WDR27: variants seen among roughly 807,000 people sequenced by gnomAD.
WDR27 encodes WD repeat domain 27, also known as WD repeat-containing protein 27.
WDR27 carries 100 observed loss-of-function variants against 114.4 expected under a neutral mutation model. The ratio of observed to expected loss-of-function variants is 0.87; its 90% confidence interval spans 0.74 to 1.03. The LOEUF (loss-of-function observed/expected upper bound fraction) is 1.03, where lower values mean the gene tolerates loss of function less well. Among genes scored for constraint, WDR27 ranks in the 50% least tolerant of loss-of-function variants. The pLI, the probability that WDR27 is intolerant of heterozygous loss-of-function variation, is 0.00. For synonymous variants in WDR27, 449 were observed against 423.1 expected (o/e 1.06, Z -0.75); for missense variants, 1,129 against 1,092.9 (o/e 1.03, Z -0.47).
intron 22 of WDR27, among the ~76,000 whole-genome samples, chr6:169,605,097 G>A (rs1296452348): frequency 8.1e-5 from 7 of 86,324 alleles, no homozygotes; most frequent in Non-Finnish European, 1.2e-4. Flanking sequence ...GTCCTAGCCA[G>A]AGCAATTAGG....
intron 14 of WDR27, among the ~76,000 whole-genome samples, chr6:169,651,488 A>G (rs1489562223): frequency 6.6e-6 from 1 of 151,954 alleles, no homozygotes; most frequent in African/African-American, 2.4e-5. Flanking sequence ...CTTGCCTTTG[A>G]GCAGTCTTGC....
chr6:169,694,488 C>T (rs1405637005), intron 1 of WDR27, among the ~76,000 whole-genome samples: 2 of 152,146 alleles, frequency 1.3e-5, no homozygotes, highest in East Asian at 3.8e-4. Context: ...TTCTTCAAGG[C>T]TGTCCATCAT....
At chr6:169,499,078 C>G (rs1274774836) in intron 25 of WDR27, among the ~76,000 whole-genome samples, 1 of 152,258 alleles carries the variant, frequency 6.6e-6, no homozygotes, top group East Asian at 1.9e-4. Context: ...AGCTACAGCA[C>G]TGACATGGAA....
intron 19 of WDR27, among the ~76,000 whole-genome samples, chr6:169,635,564 ATTGAGATCGGG>A (rs1352471905): frequency 6.6e-6 from 1 of 152,180 alleles, no homozygotes; most frequent in Non-Finnish European, 1.5e-5. Context: ...GGATGCTCTC[ATTGAGATCGGG>A]GTGAGATCGG....
chr6:169,440,390 T>C, the WDR27 span, among the ~76,000 whole-genome samples: 1 of 152,220 alleles, frequency 6.6e-6, no homozygotes, highest in Non-Finnish European at 1.5e-5. Flanking sequence ...ATTTAGTTTT[T>C]AGTTTTAGTT....
intron 24 of WDR27, among the ~76,000 whole-genome samples, chr6:169,578,566 C>T (rs957987744): frequency 1.3e-5 from 2 of 152,122 alleles, no homozygotes; most frequent in Non-Finnish European, 2.9e-5. Context: ...CCCAGGGGGG[C>T]GAAAGTGCAT....
At chr6:169,691,857 G>A (rs149185775) in intron 1 of WDR27, among the ~76,000 whole-genome samples, 1 of 152,312 alleles carries the variant, frequency 6.6e-6, no homozygotes, top group East Asian at 1.9e-4. Flanking sequence ...CGGCAGCTAG[G>A]AGACAGGACT....
intron 2 of WDR27, among the ~76,000 whole-genome samples, chr6:169,677,641 G>A (rs964483721): frequency 2.0e-5 from 3 of 152,228 alleles, no homozygotes; most frequent in African/African-American, 7.2e-5. Flanking sequence ...AAGAACCAAA[G>A]GCTGATAACC....
At chr6:169,498,467 TA>T (rs1479194014) in intron 25 of WDR27, among the ~76,000 whole-genome samples, 1 of 151,866 alleles carries the variant, frequency 6.6e-6, no homozygotes, top group Non-Finnish European at 1.5e-5. Flanking sequence ...TTTACCATAA[TA>T]AAAAAATGGA....
chr6:169,662,845 T>C (rs542120045), intron 8 of WDR27, among the ~76,000 whole-genome samples: 6 of 136,158 alleles, frequency 4.4e-5, no homozygotes, highest in African/African-American at 1.7e-4. Flanking sequence ...ACACCCAGCA[T>C]GACGCGTGTG....
At chr6:169,429,025 G>A in the WDR27 span, among the ~76,000 whole-genome samples, 1 of 152,196 alleles carries the variant, frequency 6.6e-6, no homozygotes, top group Non-Finnish European at 1.5e-5. Flanking sequence ...AAAGCAGAGA[G>A]TAGGAAGCAG....
At chr6:169,563,578 T>G (rs1161861740) in intron 25 of WDR27, among the ~76,000 whole-genome samples, 1 of 152,192 alleles carries the variant, frequency 6.6e-6, no homozygotes, top group Non-Finnish European at 1.5e-5. Flanking sequence ...GGAGGCTGCG[T>G]GGAACTGTGC....
intron 17 of WDR27, among the ~76,000 whole-genome samples, chr6:169,639,980 G>A (rs1345606772): frequency 2.6e-5 from 4 of 152,306 alleles, no homozygotes; most frequent in South Asian, 2.1e-4. Context: ...GAGAGGGGAC[G>A]AGCTGGGGAG....
chr6:169,502,069 C>G (rs1436504997), intron 25 of WDR27, among the ~76,000 whole-genome samples: 1 of 152,182 alleles, frequency 6.6e-6, no homozygotes, highest in Non-Finnish European at 1.5e-5. Context: ...CGCACCACCT[C>G]CCCCCAGGCT....
chr6:169,467,805 C>A (rs1029133004), intron 25 of WDR27, among the ~76,000 whole-genome samples: 12 of 152,246 alleles, frequency 7.9e-5, no homozygotes, highest in African/African-American at 1.2e-4. Context: ...ATTTCTGCAG[C>A]CAGTTTGAAT....
chr6:169,453,756 C>T (rs1408526710), downstream of WDR27, among the ~76,000 whole-genome samples: 2 of 152,088 alleles, frequency 1.3e-5, no homozygotes, highest in African/African-American at 2.4e-5. Context: ...AGTCCAAATA[C>T]GTTACTGAAT....
Position 169,659,459 on chromosome 6 carries a change from C to A in WDR27, c.1189G>T (p.Asp397Tyr). The change falls in exon 11 of 26, where the codon GAT (aspartate) becomes TAT (tyrosine). Residue 397 changes from aspartate to tyrosine, a missense_variant. Transcript: ENST00000448612. The surrounding 1 kb of genome is among the most constrained non-coding windows in gnomAD (Gnocchi z 4.3). ...CGCGTCTCAGGACTGACCTTTTGAT[C>A]CGCAGTGCGGTTCCTCAGGGCACAC... ...GSCALRNRTA[D>Y]QKVLCLLASL... is the part of the protein sequence containing the mutation. 1 of 1,608,664 alleles carries A rather than the reference C, an allele frequency of 6.2e-7. No individual in the cohort carries two copies.
intron 3 of WDR27, chr6:169,671,974 T>C (rs1254082948): frequency 3.9e-6 from 1 of 253,398 alleles, no homozygotes; most frequent in African/African-American, 2.2e-5. Context: ...AAATGGACAG[T>C]TCTTAAAATA....
chr6:169,640,578 A>G (rs1310602327), intron 17 of WDR27, among the ~76,000 whole-genome samples: 2 of 152,236 alleles, frequency 1.3e-5, no homozygotes, highest in Non-Finnish European at 2.9e-5. Flanking sequence ...TGCCATTAAT[A>G]GACACCACCC....
Sources: gnomAD v4.1 joint callset for allele counts (sites outside exome capture counted in the v4.1 genomes callset) on GRCh38, gnomAD v4.1.1 for gene constraint, Gnocchi (gnomAD v3.1) non-coding constraint, MANE v1.5 for transcripts, NCBI Gene and HGNC (gene_info 2026-07-23, HGNC 2026-07-21) for gene names.